TINAG: variants seen among roughly 807,000 people sequenced by gnomAD.
TINAG encodes tubulointerstitial nephritis antigen.
Under a neutral mutation model 72.7 loss-of-function variants are expected in TINAG, and 83 were observed. The observed-to-expected ratio is 1.14, with a 90% CI of 0.96 to 1.37. The LOEUF (loss-of-function observed/expected upper bound fraction) is 1.37. Among genes scored for constraint, TINAG ranks in the 40% most tolerant of loss-of-function variants. The pLI, the probability that TINAG is intolerant of heterozygous loss-of-function variation, is 0.00. For missense variants in TINAG, 685 were observed against 576.6 expected (o/e 1.19, Z -1.93); for synonymous variants, 234 against 189.9 (o/e 1.23, Z -1.91).
At chr6:54,331,139 G>C (rs1686311016) in intron 4 of TINAG, among the ~76,000 whole-genome samples, 1 of 152,052 alleles carries the variant, frequency 6.6e-6, no homozygotes, top group Admixed American at 6.6e-5. Flanking sequence ...CCAAAACCTG[G>C]CAGAGACACG....
At chr6:54,375,351 A>G (rs923473906) in intron 9 of TINAG, among the ~76,000 whole-genome samples, 1 of 152,158 alleles carries the variant, frequency 6.6e-6, no homozygotes, top group African/African-American at 2.4e-5. Flanking sequence ...GTGTAGAGCC[A>G]TATCAGTAGA....
chr6:54,380,269 T>C (rs1166481385), intron 9 of TINAG, among the ~76,000 whole-genome samples: 2 of 149,370 alleles, frequency 1.3e-5, no homozygotes, highest in Non-Finnish European at 3.0e-5. Flanking sequence ...TTAGTCTTTC[T>C]CTCCTGTGGT....
intron 1 of TINAG, among the ~76,000 whole-genome samples, chr6:54,317,209 C>A (rs1286798981): frequency 6.6e-6 from 1 of 151,980 alleles, no homozygotes; most frequent in African/African-American, 2.4e-5. Flanking sequence ...CTTTTCAATA[C>A]CTCCATCTCT....
At chr6:54,369,656 C>A (rs28479726) in intron 9 of TINAG, among the ~76,000 whole-genome samples, 1,932 of 151,948 alleles carry the variant, frequency 0.013, 43 homozygotes, top group African/African-American at 0.044. Context: ...ATAATTGAAG[C>A]ACTATACACA....
At chr6:54,317,192 CTCTTA>C (rs894955495) in intron 1 of TINAG, among the ~76,000 whole-genome samples, 2 of 152,106 alleles carry the variant, frequency 1.3e-5, no homozygotes, top group African/African-American at 4.8e-5. Flanking sequence ...ATCCCATCTT[CTCTTA>C]TCTTTTCAAT....
intron 7 of TINAG, 124 bp from the exon 8 acceptor site, chr6:54,351,228 A>G: frequency 1.4e-6 from 1 of 734,906 alleles, no homozygotes; most frequent in Non-Finnish European, 2.2e-6. Context: ...ATGTAGCATA[A>G]TATACGTGAG....
intron 4 of TINAG, chr6:54,327,233 C>T: frequency 6.8e-7 from 1 of 1,481,232 alleles, no homozygotes; most frequent in Non-Finnish European, 9.0e-7. Flanking sequence ...ATGATTTCTG[C>T]ATTACCAACT....
intron 9 of TINAG, among the ~76,000 whole-genome samples, chr6:54,379,285 A>G (rs1763873865): frequency 6.6e-6 from 1 of 152,186 alleles, no homozygotes; most frequent in Non-Finnish European, 1.5e-5. Context: ...AGAATGTGAG[A>G]CTTGGAGCCT....
chr6:54,321,252 C>A, intron 2 of TINAG, 45 bp from the exon 3 acceptor site: 2 of 1,418,282 alleles, frequency 1.4e-6, no homozygotes, highest in Non-Finnish European at 2.0e-6. Context: ...TTGAAATATA[C>A]TTCATAAAGA....
intron 4 of TINAG, among the ~76,000 whole-genome samples, chr6:54,328,226 T>G (rs1784654364): frequency 6.6e-6 from 1 of 152,072 alleles, no homozygotes; most frequent in African/African-American, 2.4e-5. Context: ...GAGCTGTGGC[T>G]GGCATCCGGT....
chr6:54,333,105 A>G (rs534532354), intron 4 of TINAG, among the ~76,000 whole-genome samples: 45 of 152,294 alleles, frequency 3.0e-4, no homozygotes, highest in African/African-American at 1.0e-3. Flanking sequence ...TGATTCAGCA[A>G]TCTCATTACT....
chr6:54,364,505 T>G (rs1025450301), intron 9 of TINAG, among the ~76,000 whole-genome samples: 1 of 151,502 alleles, frequency 6.6e-6, no homozygotes, highest in Non-Finnish European at 1.5e-5. Flanking sequence ...AATTCAAATA[T>G]ATTAATAGAA....
At chr6:54,361,178 A>G (rs1057237682) in intron 9 of TINAG, among the ~76,000 whole-genome samples, 2 of 151,246 alleles carry the variant, frequency 1.3e-5, no homozygotes, top group Non-Finnish European at 3.0e-5. Flanking sequence ...CCTTAGGCCT[A>G]TCTATTCCCT....
At chr6:54,384,042 T>G (rs887608964) in intron 10 of TINAG, among the ~76,000 whole-genome samples, 5 of 152,198 alleles carry the variant, frequency 3.3e-5, no homozygotes, top group African/African-American at 4.8e-5. Flanking sequence ...GATGAGTTTA[T>G]GTACTTTGCA....
chr6:54,333,368 C>A (rs555947442), intron 4 of TINAG, among the ~76,000 whole-genome samples: 56 of 151,688 alleles, frequency 3.7e-4, no homozygotes, highest in African/African-American at 1.3e-3. Flanking sequence ...AAGACAGGAA[C>A]AGAAAACCAA....
In TINAG at chr6:54,371,214, G is replaced by T. The variant is rs536114620; in HGVS notation, c.1251-9312G>T. ...CTTGATTGTGAAGGAATGCTTTATA[G>T]CATAAAGAACGAGGATACTGGGGTC... On this transcript the variant is annotated intron_variant, in intron 9 of 10. Coordinates refer to ENST00000259782, the MANE Select transcript of TINAG (RefSeq NM_014464.4). 9.2e-5 allele frequency among the ~76,000 whole-genome samples: 14 copies of T among 151,806 alleles called. No individual in the cohort carries two copies. The East Asian group carries it at 2.7e-3, about 30-fold the overall frequency.
chr6:54,356,574 A>G (rs932245454), intron 9 of TINAG, among the ~76,000 whole-genome samples: 12 of 151,922 alleles, frequency 7.9e-5, no homozygotes, highest in African/African-American at 2.9e-4. Flanking sequence ...AAAGATCATT[A>G]TTATCATATT....
Position 54,343,227 on chromosome 6 carries a change from C to T in TINAG, c.626C>T (p.Ala209Val). The change falls in exon 5 of 11, where the codon GCT becomes GTT. Residue 209 changes from alanine (A) to valine (V), a missense_variant and splice_region_variant. By Grantham distance (64) the Ala-to-Val change is moderately conservative. Coordinates refer to ENST00000259782, the MANE Select transcript of TINAG (RefSeq NM_014464.4). ...TATGTACCTCTTCTTCCTCTTTAGG[C>T]TTCTTTACCTGCAACAACTGATCTT... ...PMLLSMNEMTASLPATTDLPE... is the reference protein window; with the variant it reads ...PMLLSMNEMTVSLPATTDLPE... The T allele has an allele frequency of 1.9e-6, 3 of 1,554,442 alleles. No homozygotes were observed. Among genetic ancestry groups the T allele is most frequent in the Non-Finnish European group, 1.7e-6 (2 of 1,147,472 alleles).
intron 1 of TINAG, among the ~76,000 whole-genome samples, chr6:54,312,731 AT>A (rs1430143050): frequency 6.6e-6 from 1 of 152,218 alleles, no homozygotes. Flanking sequence ...AGGATTTTTT[AT>A]TTAAAAATCC....
Sources: gnomAD v4.1 joint callset for allele counts (sites outside exome capture counted in the v4.1 genomes callset) on GRCh38, gnomAD v4.1.1 for gene constraint, MANE v1.5 for transcripts, NCBI Gene and HGNC (gene_info 2026-07-23, HGNC 2026-07-21) for gene names.